Variants in SOX6 observed in about 807,000 individuals in gnomAD.
SOX6 encodes the protein transcription factor SOX-6.
In SOX6, 11 loss-of-function variants were observed where a neutral mutation model predicts 97.8. The observed-to-expected ratio is 0.11, with a 90% CI of 0.07 to 0.19. SOX6 has a LOEUF of 0.19. Ranked by LOEUF, SOX6 falls within the 10% of genes least tolerant of loss-of-function variation. SOX6 has a pLI of 1.00. For synonymous variants in SOX6, 360 were observed against 371.4 expected, an observed-to-expected ratio of 0.97 and a Z score of 0.35; for missense variants, 810 against 1,039.5, an observed-to-expected ratio of 0.78 and a Z score of 3.04.
intron 4 of SOX6, among the ~76,000 whole-genome samples, chr11:16,504,247 C>A (rs923269742): frequency 1.3e-5 from 2 of 151,778 alleles, no homozygotes; most frequent in Non-Finnish European, 2.9e-5. Flanking sequence ...CTAGCCAGAA[C>A]AATTAGGCAA....
intron 2 of SOX6, among the ~76,000 whole-genome samples, chr11:16,320,195 A>G: frequency 6.6e-6 from 1 of 152,256 alleles, no homozygotes; most frequent in East Asian, 1.9e-4. Flanking sequence ...TATATAAAAA[A>G]GTGTATAAAG....
At chr11:16,233,001 T>G (rs900615517) in intron 4 of SOX6, among the ~76,000 whole-genome samples, 2 of 152,176 alleles carry the variant, frequency 1.3e-5, no homozygotes, top group African/African-American at 4.8e-5. Flanking sequence ...ATGCAATGAT[T>G]TATTAATTAT....
chr11:15,998,106 T>C (rs1409852252), intron 13 of SOX6, among the ~76,000 whole-genome samples: 1 of 150,088 alleles, frequency 6.7e-6, no homozygotes, highest in Non-Finnish European at 1.5e-5. Flanking sequence ...ATAAATAAAA[T>C]AAAATAAAAT....
chr11:16,271,055 A>C (rs1854244252), intron 3 of SOX6, among the ~76,000 whole-genome samples: 1 of 151,438 alleles, frequency 6.6e-6, no homozygotes, highest in Admixed American at 6.6e-5. Context: ...AAATCAGAGA[A>C]AGAATACATC....
Position 16,668,292 on chromosome 11 carries a change from G to A in SOX6, n.429+46538C>T, listed in dbSNP as rs199605589. 7.2e-5 allele frequency among the ~76,000 whole-genome samples: 11 copies of A among 152,204 alleles called. No individual in the cohort carries two copies. In the East Asian group the frequency reaches 2.1e-3, roughly 29 times the overall value. ...AGAGGCTGAGGCAGGAGAATTGCTT[G>A]AACATGGGAGGCAGAGGCTGCAGTG... On this transcript the variant is annotated intron_variant and non_coding_transcript_variant, in intron 3 of 5. Transcript: ENST00000524520.
chr11:16,241,463 A>G (rs1354936352), intron 3 of SOX6, among the ~76,000 whole-genome samples: 2 of 152,060 alleles, frequency 1.3e-5, no homozygotes, highest in Non-Finnish European at 2.9e-5. Flanking sequence ...GGGTTCTACA[A>G]CTATTTGTTT....
chr11:16,308,150 A>G (rs1192831590), intron 3 of SOX6, among the ~76,000 whole-genome samples: 1 of 152,212 alleles, frequency 6.6e-6, no homozygotes, highest in African/African-American at 2.4e-5. Context: ...ATTGGATAGA[A>G]GCTTTTATCT....
intron 1 of SOX6, among the ~76,000 whole-genome samples, chr11:16,362,674 A>G (rs1664281502): frequency 6.6e-6 from 1 of 152,162 alleles, no homozygotes; most frequent in African/African-American, 2.4e-5. Context: ...GAAACATGAA[A>G]AAGCAGAGAA....
At chr11:16,036,289 G>A (rs140331290) in intron 12 of SOX6, among the ~76,000 whole-genome samples, 104 of 152,120 alleles carry the variant, frequency 6.8e-4, no homozygotes, top group African/African-American at 2.4e-3. Context: ...ATGTTAGTCA[G>A]GCTGGTCTCG....
chr11:16,447,511 T>C (rs1161361854), intron 1 of SOX6, among the ~76,000 whole-genome samples: 3 of 152,126 alleles, frequency 2.0e-5, no homozygotes, highest in African/African-American at 4.8e-5. Flanking sequence ...CTTCAGTATA[T>C]ATAGAGAGAG....
intron 1 of SOX6, among the ~76,000 whole-genome samples, chr11:16,384,927 C>A (rs1219987453): frequency 6.6e-6 from 1 of 151,960 alleles, no homozygotes; most frequent in African/African-American, 2.4e-5. Context: ...TACAGCAGAT[C>A]CTAGAGGACT....
At chr11:16,606,927 G>T (rs1442122880) in intron 4 of SOX6, among the ~76,000 whole-genome samples, 1 of 152,160 alleles carries the variant, frequency 6.6e-6, no homozygotes, top group Non-Finnish European at 1.5e-5. Flanking sequence ...CGGGATCAGC[G>T]CGTCCACCAG....
intron 4 of SOX6, among the ~76,000 whole-genome samples, chr11:16,210,166 T>C (rs535319217): frequency 7.9e-5 from 12 of 152,160 alleles, no homozygotes; most frequent in African/African-American, 2.6e-4. Flanking sequence ...TAAAAACATA[T>C]CCACACAAAA....
chr11:16,072,442 A>T (rs1368621777), intron 9 of SOX6, among the ~76,000 whole-genome samples: 1 of 152,194 alleles, frequency 6.6e-6, no homozygotes, highest in Non-Finnish European at 1.5e-5. Context: ...GAAATATGGG[A>T]TTATGTAAAG....
intron 2 of SOX6, among the ~76,000 whole-genome samples, chr11:16,727,279 T>C (rs377743757): frequency 4.8e-4 from 72 of 149,336 alleles, no homozygotes; most frequent in African/African-American, 1.3e-3. Flanking sequence ...TTATATGCTA[T>C]ATTCACCTTG....
intron 4 of SOX6, among the ~76,000 whole-genome samples, chr11:16,543,734 C>A (rs1246252864): frequency 6.6e-6 from 1 of 152,104 alleles, no homozygotes. Context: ...ATCAAAATCA[C>A]AATTTAACAC....
At chr11:16,388,827 G>T (rs1483741171) in intron 1 of SOX6, among the ~76,000 whole-genome samples, 2 of 152,008 alleles carry the variant, frequency 1.3e-5, no homozygotes, top group African/African-American at 2.4e-5. Context: ...ATTTGACTAT[G>T]AGGTGCCTAG....
chr11:16,445,155 G>A (rs1859586726), intron 1 of SOX6, among the ~76,000 whole-genome samples: 1 of 152,152 alleles, frequency 6.6e-6, no homozygotes, highest in Admixed American at 6.5e-5. Flanking sequence ...TTCTAAAAAT[G>A]CATGGGCTTG....
At chr11:16,047,049 G>A (rs1414896760) in intron 11 of SOX6, among the ~76,000 whole-genome samples, 1 of 152,086 alleles carries the variant, frequency 6.6e-6, no homozygotes, top group Non-Finnish European at 1.5e-5. Flanking sequence ...CTCTTCTGTG[G>A]GGAAATTATG....
Sources: allele counts gnomAD v4.1 joint callset (sites outside exome capture counted in the v4.1 genomes callset), GRCh38; gene constraint gnomAD v4.1.1; transcripts MANE v1.5; gene names NCBI Gene and HGNC (gene_info 2026-07-23, HGNC 2026-07-21).